The following TUB variants were observed in gnomAD, a reference collection of about 807,000 sequenced individuals.
The protein encoded by TUB is TUB bipartite transcription factor.
In TUB, 33 loss-of-function variants were observed where a neutral mutation model predicts 59.7. That is an observed-to-expected ratio of 0.55 (90% CI 0.42 to 0.74). The LOEUF (loss-of-function observed/expected upper bound fraction) is 0.74. Ranked by LOEUF, TUB falls within the 30% of genes least tolerant of loss-of-function variation. The pLI is 0.00. For missense variants in TUB, 659 were observed against 672.0 expected (o/e 0.98, Z 0.21); for synonymous variants, 293 against 256.4 (o/e 1.14, Z -1.36).
intron 2 of TUB, among the ~76,000 whole-genome samples, chr11:8,061,095 G>C (rs571078539): frequency 6.6e-6 from 1 of 152,368 alleles, no homozygotes; most frequent in African/African-American, 2.4e-5. Flanking sequence ...CCCCAGGGCT[G>C]TGAAGCCACA....
At chr11:8,065,958 G>C (rs900381192) in intron 2 of TUB, among the ~76,000 whole-genome samples, 2 of 152,240 alleles carry the variant, frequency 1.3e-5, no homozygotes, top group African/African-American at 2.4e-5. Context: ...CTTGCCCTCA[G>C]AGTCATATCG....
intron 1 of TUB, among the ~76,000 whole-genome samples, chr11:8,020,634 G>A (rs1942410673): frequency 6.6e-6 from 1 of 152,096 alleles, no homozygotes; most frequent in African/African-American, 2.4e-5. Context: ...CTTCTTTGGG[G>A]AAATATATCG....
chr11:8,097,504 C>G, intron 7 of TUB, 79 bp downstream of exon 7: 1 of 1,582,366 alleles, frequency 6.3e-7, no homozygotes, highest in Non-Finnish European at 8.7e-7. Context: ...GACTGGAAGT[C>G]TCATATCTAC....
At chr11:8,060,780 G>A (rs145548386) in intron 2 of TUB, among the ~76,000 whole-genome samples, 3 of 152,186 alleles carry the variant, frequency 2.0e-5, no homozygotes, top group Admixed American at 6.5e-5. Context: ...CCCTTATACT[G>A]TTGTACGTAT....
chr11:8,100,589 C>T lies in TUB; in HGVS notation c.1203C>T (p.Ile401=). Residue 401 remains isoleucine, a synonymous_variant, in exon 10 of 12, where the codon ATC becomes ATT. Transcript: ENST00000299506. ...GMNMVHERVS[I]RPRNEHETLL... Reference sequence around the variant, plus strand: ...ACATGGTTCATGAGAGAGTCTCTATCCGCCCCCGCAACGTGAGTGTCTACC... The same window carrying T: ...ACATGGTTCATGAGAGAGTCTCTATTCGCCCCCGCAACGTGAGTGTCTACC... The T allele has an allele frequency of 1.9e-6, 3 of 1,613,962 alleles. No homozygotes were observed. The highest frequency in any genetic ancestry group is 1.3e-5 in the African/African-American group (1 of 75,002).
At chr11:8,093,980 G>T in intron 3 of TUB, 66 bp from the exon 4 acceptor site, 1 of 1,598,902 alleles carries the variant, frequency 6.3e-7, no homozygotes, top group Non-Finnish European at 8.6e-7. Context: ...ACTGTGTTCA[G>T]GTGGGAGCTC....
chr11:8,099,807 A>G (rs990324981), intron 9 of TUB, among the ~76,000 whole-genome samples: 6 of 152,192 alleles, frequency 3.9e-5, no homozygotes, highest in Non-Finnish European at 7.3e-5. Context: ...AAGGAAGTGA[A>G]AAACAGCAGT....
intron 1 of TUB, among the ~76,000 whole-genome samples, chr11:8,085,490 C>T (rs1012176010): frequency 4.6e-5 from 7 of 152,320 alleles, no homozygotes; most frequent in Admixed American, 2.6e-4. Context: ...AGCTGCCAGG[C>T]GACAGAAGCC....
upstream of TUB, among the ~76,000 whole-genome samples, chr11:8,035,245 G>T (rs1942630222): frequency 6.6e-6 from 1 of 152,178 alleles, no homozygotes; most frequent in Non-Finnish European, 1.5e-5. Context: ...TACAACACTG[G>T]ATTTGCGGGC....
chr11:8,062,636 T>A (rs2133777220), intron 2 of TUB, among the ~76,000 whole-genome samples: 1 of 152,236 alleles, frequency 6.6e-6, no homozygotes, highest in East Asian at 1.9e-4. Context: ...CAACCTTCTT[T>A]CTTAGGCATC....
chr11:8,056,679 G>T (rs1356307603), intron 2 of TUB, among the ~76,000 whole-genome samples: 1 of 152,054 alleles, frequency 6.6e-6, no homozygotes, highest in Non-Finnish European at 1.5e-5. Flanking sequence ...GGTAGAGCTG[G>T]AGGAAAATCT....
chr11:8,076,280 T>G (rs4758285), upstream of TUB: 8,923 of 152,268 alleles, frequency 0.059, 363 homozygotes, highest in East Asian at 0.084. Context: ...CAAGACCATT[T>G]TGGCCACATA....
At chr11:8,029,135 A>G (rs1275827799) in intron 1 of TUB, among the ~76,000 whole-genome samples, 9 of 152,210 alleles carry the variant, frequency 5.9e-5, no homozygotes. Context: ...ATTCTGGCCC[A>G]CACTGGTCTC....
At position 8,094,141 on chromosome 11, in the gene TUB, G is replaced by A. The variant is rs34806485; in HGVS notation, c.349G>A (p.Gly117Arg). The A allele has an allele frequency of 2.5e-6, 4 of 1,613,994 alleles. No individual in the cohort carries two copies. The highest frequency in any genetic ancestry group is 3.4e-6 in the Non-Finnish European group (4 of 1,179,998). The change falls in exon 4 of 12, where the codon GGG (glycine) becomes AGG (arginine). Residue 117 changes from glycine to arginine, a missense_variant. Around this residue, in one of 3 missense-constraint regions of TUB, gnomAD observed 321 missense variants for 304.3 expected, o/e 1.05. Coordinates refer to ENST00000299506, the MANE Select transcript of TUB (RefSeq NM_177972.3). ...GAGAACCAAGGCGGCAGCTACAGCA[G>A]GGGGCCAGGGTGGCGCCGCTAGGAA... ...AKRTKAAATAGGQGGAARKEK... is the reference protein window; with the variant it reads ...AKRTKAAATARGQGGAARKEK...
chr11:8,021,928 A>G (rs894478139), intron 1 of TUB, among the ~76,000 whole-genome samples: 3 of 152,072 alleles, frequency 2.0e-5, no homozygotes, highest in Non-Finnish European at 2.9e-5. Context: ...AAAAAAAAAA[A>G]AAAAGAAAAT....
At chr11:8,028,041 A>G (rs1419184606) in intron 1 of TUB, among the ~76,000 whole-genome samples, 2 of 152,152 alleles carry the variant, frequency 1.3e-5, no homozygotes, top group Non-Finnish European at 2.9e-5. Flanking sequence ...AGACTGCACC[A>G]TTTTACATTT....
At chr11:8,035,023 T>C (rs564920360), upstream of TUB, among the ~76,000 whole-genome samples, 3 of 152,366 alleles carry the variant, frequency 2.0e-5, no homozygotes, top group East Asian at 5.8e-4. Flanking sequence ...TCAATGGCAC[T>C]GTGCTCCTTC....
Position 8,095,620 on chromosome 11 carries a change from G to A in TUB, c.520G>A (p.Glu174Lys), listed in dbSNP as rs199992047. 95 of 1,610,742 alleles carry A rather than the reference G, an allele frequency of 5.9e-5. No homozygotes were observed. Among genetic ancestry groups the A allele is most frequent in the Middle Eastern group, 1.6e-4 (1 of 6,074 alleles). Residue 174 changes from glutamate (E) to lysine (K), a missense_variant, in exon 5 of 12, where the codon GAA becomes AAA. This residue lies in a region of TUB where 321 missense variants were observed against 304.3 expected (regional missense o/e 1.05). Coordinates refer to ENST00000299506, the MANE Select transcript of TUB (RefSeq NM_177972.3). ...AGGGGAGACGGCAGCTGGTGGGGGC[G>A]AACGGCCCAGCGGGCAGGATCTCCG... is the stretch of plus-strand genomic sequence containing the variant. Reference protein sequence around the residue: ...DAGETAAGGGERPSGQDLRAT... With the variant: ...DAGETAAGGGKRPSGQDLRAT...
At position 8,100,973 on chromosome 11, in the gene TUB, T is replaced by C. The variant is rs1454888364; in HGVS notation, c.1363T>C (p.Phe455Leu). The C allele has an allele frequency of 6.2e-7, 1 of 1,614,174 alleles. No homozygotes were observed. Among genetic ancestry groups the C allele is most frequent in the East Asian group, 2.2e-5 (1 of 44,878 alleles). ...GRVTQASVKN[F>L]QIIHGNDPDY... ...CGTCACACAGGCCTCCGTGAAGAAC[T>C]TCCAGATCATCCATGGCAATGACCG... Residue 455 changes from phenylalanine to leucine, a missense_variant, in exon 11 of 12, where the codon TTC becomes CTC. Coordinates refer to ENST00000299506, the MANE Select transcript of TUB (RefSeq NM_177972.3).
Sources: allele counts gnomAD v4.1 joint callset (sites outside exome capture counted in the v4.1 genomes callset), GRCh38; gene constraint gnomAD v4.1.1; regional missense constraint gnomAD v4.1.1; transcripts MANE v1.5; gene names NCBI Gene and HGNC (gene_info 2026-07-23, HGNC 2026-07-21).